GSK3B: variants seen among roughly 807,000 people sequenced by gnomAD.
GSK3B encodes the protein glycogen synthase kinase-3 beta.
GSK3B carries 15 observed loss-of-function variants against 56.4 expected under a neutral mutation model. The ratio of observed to expected loss-of-function variants is 0.27; its 90% CI spans 0.18 to 0.41. The LOEUF is 0.41. Among genes scored for constraint, GSK3B ranks in the 10% least tolerant of loss-of-function variants. The pLI, the probability that GSK3B is intolerant of heterozygous loss-of-function variation, is 1.00. For missense variants in GSK3B, 300 were observed against 513.4 expected (o/e 0.58, Z 4.02); for synonymous variants, 181 against 188.9 (o/e 0.96, Z 0.34).
At position 119,843,249 on chromosome 3, in the gene GSK3B, T is replaced by C; in HGVS notation, c.1195+6A>G. 1 of 1,584,532 alleles carries C rather than the reference T, an allele frequency of 6.3e-7. No homozygotes were observed. The highest frequency in any genetic ancestry group is 8.7e-7 in the Non-Finnish European group (1 of 1,155,466). On this transcript the variant is annotated splice_donor_region_variant and intron_variant, in intron 10 of 10. Coordinates refer to ENST00000264235, the MANE Select transcript of GSK3B (RefSeq NM_001146156.2). Reference sequence around the variant, plus strand: ...TTTTTATAGAAGAGACTTAGAACGTTCTTACCTGACGCTGCTGTGGCATTT... The same window carrying C: ...TTTTTATAGAAGAGACTTAGAACGTCCTTACCTGACGCTGCTGTGGCATTT...
intron 10 of GSK3B, among the ~76,000 whole-genome samples, chr3:119,835,913 A>C (rs545732288): frequency 6.6e-6 from 1 of 152,330 alleles, no homozygotes; most frequent in Admixed American, 6.5e-5. Flanking sequence ...TCATTTTAGA[A>C]AAGCAAGCAT....
chr3:119,824,581 TTC>T lies in GSK3B; in HGVS notation c.*2205_*2206del, dbSNP rs1192650012. On this transcript the variant is annotated 3_prime_UTR_variant, in exon 11 of 11. Coordinates refer to ENST00000264235, the MANE Select transcript of GSK3B (RefSeq NM_001146156.2). ...CCTGCCTTTTCAGATTCTTTATAAA[TTC>T]TGTCTGAAAATGGTCTATCAACGCC... 4.8e-6 allele frequency: 1 copy of T among 207,808 alleles called. No individual in the cohort carries two copies. Among genetic ancestry groups the T allele is most frequent in the Non-Finnish European group, 9.8e-6 (1 of 101,996 alleles). 12.9% of individuals were successfully genotyped at this position (207,808 alleles called of 1,614,324 possible).
intron 8 of GSK3B, among the ~76,000 whole-genome samples, chr3:119,873,972 A>T (rs2056278150): frequency 6.6e-6 from 1 of 152,194 alleles, no homozygotes; most frequent in African/African-American, 2.4e-5. Context: ...ATGGAAACCT[A>T]AATAAATGTG....
intron 1 of GSK3B, among the ~76,000 whole-genome samples, chr3:120,005,114 G>T (rs1158412377): frequency 6.6e-6 from 1 of 151,988 alleles, no homozygotes; most frequent in Non-Finnish European, 1.5e-5. Context: ...CAGAGTATGA[G>T]AACATGGTGA....
chr3:119,923,893 C>T (rs2056867046), intron 3 of GSK3B, among the ~76,000 whole-genome samples: 1 of 152,118 alleles, frequency 6.6e-6, no homozygotes, highest in African/African-American at 2.4e-5. Flanking sequence ...GGATTTCTAG[C>T]CCTAGCTCTG....
chr3:119,990,526 T>C (rs906139457), intron 2 of GSK3B, among the ~76,000 whole-genome samples: 2 of 152,220 alleles, frequency 1.3e-5, no homozygotes, highest in Non-Finnish European at 2.9e-5. Context: ...GACCAAAATC[T>C]TCCTCTGGCA....
rs1010408076 is a variant in GSK3B, at chr3:119,822,853, A to G, written c.*3935T>C. 1.3e-5 allele frequency: 3 copies of G among 228,296 alleles called. No individual in the cohort carries two copies. The highest frequency in any genetic ancestry group is 1.3e-4 in the East Asian group (2 of 15,932). 14.1% of individuals were successfully genotyped at this position (228,296 alleles called of 1,614,324 possible). On this transcript the variant is annotated 3_prime_UTR_variant, in exon 11 of 11. Coordinates refer to ENST00000264235, the MANE Select transcript of GSK3B (RefSeq NM_001146156.2). The stretch of plus-strand genomic sequence containing the variant: ...ATTCCTGGGGATCTGGCATTGGCCA[A>G]ACTTCCTTTGGAAGATTCCAAAGTT...
intron 7 of GSK3B, among the ~76,000 whole-genome samples, chr3:119,890,579 T>G (rs138229381): frequency 0.012 from 1,893 of 152,134 alleles, 24 homozygotes; most frequent in Non-Finnish European, 0.021. Flanking sequence ...CATTTGGTCA[T>G]TCCAGGCTAT....
Position 120,078,621 on chromosome 3 carries a change from C to T in GSK3B, c.88+14726G>A, listed in dbSNP as rs535933506. On this transcript the variant is annotated intron_variant, in intron 1 of 10. Transcript: ENST00000264235. ...GGCTGGAGAGCAAGTGGCACGATCT[C>T]GGCTCACTACAACCTCTGCCTCTGG... Among the ~76,000 whole-genome samples the T allele has an allele frequency of 4.0e-5, 6 of 150,190 alleles. No individual in the cohort carries two copies. The South Asian group carries it at 1.3e-3, about 32-fold the overall frequency.
chr3:119,967,390 T>C, intron 2 of GSK3B, among the ~76,000 whole-genome samples: 1 of 151,800 alleles, frequency 6.6e-6, no homozygotes, highest in Non-Finnish European at 1.5e-5. Context: ...ATCTTTTTTT[T>C]AAAAAAAAGA....
chr3:119,895,755 T>G (rs2056555866), intron 7 of GSK3B, among the ~76,000 whole-genome samples: 1 of 152,152 alleles, frequency 6.6e-6, no homozygotes, highest in Non-Finnish European at 1.5e-5. Context: ...CCATTCTACT[T>G]AATTGATCTG....
At chr3:119,922,701 T>A (rs939665508) in intron 4 of GSK3B, among the ~76,000 whole-genome samples, 1 of 151,884 alleles carries the variant, frequency 6.6e-6, no homozygotes, top group Non-Finnish European at 1.5e-5. Context: ...GTTATTTCCA[T>A]AAAGGGTTAA....
intron 2 of GSK3B, among the ~76,000 whole-genome samples, chr3:119,952,197 C>T (rs1055559760): frequency 6.6e-6 from 1 of 151,948 alleles, no homozygotes; most frequent in African/African-American, 2.4e-5. Context: ...CCATGAAGAT[C>T]AATGAACCGG....
At chr3:120,023,374 G>A (rs1002290139) in intron 1 of GSK3B, among the ~76,000 whole-genome samples, 12 of 150,384 alleles carry the variant, frequency 8.0e-5, no homozygotes, top group African/African-American at 2.9e-4. Flanking sequence ...AGATGAAATT[G>A]TAATAAAAGT....
intron 9 of GSK3B, among the ~76,000 whole-genome samples, chr3:119,852,299 T>C (rs2055941041): frequency 6.6e-6 from 1 of 152,224 alleles, no homozygotes; most frequent in Admixed American, 6.5e-5. Flanking sequence ...AGCAAAGTGT[T>C]AATATTTTTA....
chr3:119,971,673 G>T (rs762263511), intron 2 of GSK3B, among the ~76,000 whole-genome samples: 1 of 134,246 alleles, frequency 7.4e-6, no homozygotes. Context: ...GTGCAGTGGC[G>T]GGATCTCGGC....
chr3:119,873,187 GT>G (rs1201841520), intron 8 of GSK3B, among the ~76,000 whole-genome samples: 4 of 152,190 alleles, frequency 2.6e-5, no homozygotes, highest in Non-Finnish European at 2.9e-5. Flanking sequence ...ACTTATTGGA[GT>G]TTTTAATTCT....
intron 3 of GSK3B, among the ~76,000 whole-genome samples, chr3:119,926,023 A>G (rs1357021627): frequency 6.6e-6 from 1 of 151,976 alleles, no homozygotes; most frequent in Non-Finnish European, 1.5e-5. Flanking sequence ...ATCCTACCCT[A>G]CAGACAACTC....
intron 3 of GSK3B, among the ~76,000 whole-genome samples, chr3:119,945,255 C>T (rs1460720004): frequency 6.6e-6 from 1 of 152,070 alleles, no homozygotes; most frequent in Non-Finnish European, 1.5e-5. Flanking sequence ...TCTCTTCTTC[C>T]TTTTTGTTTT....
Sources: gnomAD v4.1 joint callset for allele counts (sites outside exome capture counted in the v4.1 genomes callset) on GRCh38, gnomAD v4.1.1 for gene constraint, MANE v1.5 for transcripts, NCBI Gene and HGNC (gene_info 2026-07-23, HGNC 2026-07-21) for gene names.